Variants in ZBTB44 observed in about 807,000 individuals in gnomAD.
ZBTB44 encodes the protein zinc finger and BTB domain containing 44.
ZBTB44 carries 15 observed loss-of-function variants against 54.0 expected under a neutral mutation model. The ratio of observed to expected loss-of-function variants is 0.28; its 90% CI spans 0.19 to 0.43. The LOEUF (loss-of-function observed/expected upper bound fraction) is 0.43, where lower values mean the gene tolerates loss of function less well. Among genes scored for constraint, ZBTB44 ranks in the 20% least tolerant of loss-of-function variants. The pLI is 1.00. For synonymous variants in ZBTB44, 230 were observed against 250.1 expected, an observed-to-expected ratio of 0.92 and a Z score of 0.76; for missense variants, 487 against 707.1, an observed-to-expected ratio of 0.69 and a Z score of 3.53.
At chr11:130,268,879 C>T (rs1460159239) in intron 1 of ZBTB44, among the ~76,000 whole-genome samples, 1 of 151,214 alleles carries the variant, frequency 6.6e-6, no homozygotes, top group Non-Finnish European at 1.5e-5. Context: ...CACGCTCGGC[C>T]TCAAATTTTA....
At chr11:130,268,720 A>C (rs1446722431) in intron 1 of ZBTB44, among the ~76,000 whole-genome samples, 1 of 151,982 alleles carries the variant, frequency 6.6e-6, no homozygotes, top group East Asian at 2.0e-4. Flanking sequence ...TTGCGAATAC[A>C]GTCGCCAGAC....
chr11:130,249,279 G>A (rs917939636), intron 2 of ZBTB44, among the ~76,000 whole-genome samples: 6 of 152,150 alleles, frequency 3.9e-5, no homozygotes, highest in Admixed American at 1.3e-4. Flanking sequence ...TAGGCAGTTC[G>A]TTACTCAGAA....
rs537039591 is a variant in ZBTB44 at position 130,285,637 on chromosome 11, C to G, written c.-56-23708G>C. 1.1e-4 allele frequency: 28 copies of G among 259,726 alleles called. No homozygotes were observed. The South Asian group carries it at 1.5e-3, about 14-fold the overall frequency. 16.1% of individuals were successfully genotyped at this position (259,726 alleles called of 1,614,324 possible). On this transcript the variant is annotated intron_variant, in intron 1 of 7. Coordinates refer to ENST00000357899, the MANE Select transcript of ZBTB44 (RefSeq NM_001301098.2). ...TAAGCTTCCCATTCTGTTGGAATAT[C>G]CCCTACTTCACAGTCTAATTTTTTA...
intron 1 of ZBTB44, among the ~76,000 whole-genome samples, chr11:130,272,668 T>A (rs1352486121): frequency 6.6e-6 from 1 of 151,800 alleles, no homozygotes; most frequent in Non-Finnish European, 1.5e-5. Flanking sequence ...AAATACAAAG[T>A]CATGAAGATT....
At chr11:130,308,194 G>A (rs1211028544) in intron 1 of ZBTB44, among the ~76,000 whole-genome samples, 1 of 152,132 alleles carries the variant, frequency 6.6e-6, no homozygotes, top group East Asian at 1.9e-4. Context: ...TGTAGAGTAG[G>A]CCATACCATC....
intron 1 of ZBTB44, among the ~76,000 whole-genome samples, chr11:130,274,062 T>G (rs1939875408): frequency 6.6e-6 from 1 of 152,002 alleles, no homozygotes; most frequent in South Asian, 2.1e-4. Flanking sequence ...CACTCCAATC[T>G]GAGTGACAGA....
chr11:130,305,189 C>T (rs1415212945), intron 1 of ZBTB44, among the ~76,000 whole-genome samples: 1 of 152,178 alleles, frequency 6.6e-6, no homozygotes, highest in African/African-American at 2.4e-5. Flanking sequence ...CTGCCAAATG[C>T]AATCTACAGA....
chr11:130,295,675 A>T (rs1397586707), intron 1 of ZBTB44: 26 of 1,340,138 alleles, frequency 1.9e-5, no homozygotes, highest in Non-Finnish European at 2.8e-5. Flanking sequence ...ATTCAGCATG[A>T]AAGTATCAGA....
Position 130,260,981 on chromosome 11 carries a change from T to TC in ZBTB44, c.892dup (p.Glu298GlyfsTer4). On this transcript the variant is annotated frameshift_variant, in exon 2 of 8. Transcript: ENST00000357899. LOFTEE classifies it high-confidence loss of function. ...AGGCTGGGACACTTCCTCATGGACC[T>TC]CCTCATCACTTAATCTTTCTACTTT... 2 of 1,614,004 alleles carry TC rather than the reference T, an allele frequency of 1.2e-6. No homozygotes were observed. Among genetic ancestry groups the TC allele is most frequent in the Non-Finnish European group, 1.7e-6 (2 of 1,179,896 alleles).
chr11:130,277,639 A>G (rs1940202095), intron 1 of ZBTB44, among the ~76,000 whole-genome samples: 2 of 152,104 alleles, frequency 1.3e-5, no homozygotes. Flanking sequence ...TAATAAACTT[A>G]TAACAAGAAA....
At chr11:130,292,819 A>C (rs1941383735) in intron 1 of ZBTB44, among the ~76,000 whole-genome samples, 1 of 152,190 alleles carries the variant, frequency 6.6e-6, no homozygotes, top group African/African-American at 2.4e-5. Context: ...ACGTGTACTC[A>C]AACTAGTGAA....
chr11:130,278,305 A>G (rs1245790760), intron 1 of ZBTB44, among the ~76,000 whole-genome samples: 1 of 152,236 alleles, frequency 6.6e-6, no homozygotes. Flanking sequence ...TAAAGTGTTC[A>G]GTACCTCATA....
At position 130,238,729 on chromosome 11, in the gene ZBTB44, C is replaced by T. The variant is rs557731419; in HGVS notation, c.1104-122G>A. ...TTAAAGACTTTTTGAAACAGTTTAA[C>T]TGTTAGACTTCAAGTTTTACTTTAA... On this transcript the variant is annotated intron_variant, in intron 3 of 7. Coordinates refer to ENST00000357899, the MANE Select transcript of ZBTB44 (RefSeq NM_001301098.2). 4 of 1,021,960 alleles carry T rather than the reference C, an allele frequency of 3.9e-6. No individual in the cohort carries two copies. In the African/African-American group the frequency reaches 5.0e-5, roughly 13 times the overall value. The allele number at this position is 1,021,960 out of a possible 1,614,324, so 63.3% of individuals were successfully genotyped here.
At position 130,226,872 on chromosome 11, in the gene ZBTB44, T is replaced by A. The variant is rs1953711379; in HGVS notation, c.*4892A>T. 1 of 152,186 alleles carries A rather than the reference T, an allele frequency of 6.6e-6. No individual in the cohort carries two copies. Among genetic ancestry groups the A allele is most frequent in the South Asian group, 2.1e-4 (1 of 4,832 alleles). 9.4% of individuals were successfully genotyped at this position (152,186 alleles called of 1,614,324 possible). On this transcript the variant is annotated 3_prime_UTR_variant, in exon 8 of 8. Coordinates refer to ENST00000357899, the MANE Select transcript of ZBTB44 (RefSeq NM_001301098.2). The stretch of plus-strand genomic sequence containing the variant: ...TTTTAAAAAAAGTTTAAACCTTTTT[T>A]AAAAAGATTAAACAATCAGGCTAGC...
chr11:130,301,968 G>A (rs746055561), intron 1 of ZBTB44, among the ~76,000 whole-genome samples: 48 of 150,750 alleles, frequency 3.2e-4, no homozygotes, highest in African/African-American at 8.6e-4. Flanking sequence ...TCTTGAACCC[G>A]GTGAGCCCAG....
At chr11:130,301,645 T>C (rs144280228) in intron 1 of ZBTB44, among the ~76,000 whole-genome samples, 66 of 151,774 alleles carry the variant, frequency 4.3e-4, no homozygotes, top group African/African-American at 1.3e-3. Flanking sequence ...GCCTGGGCAA[T>C]TGAGCCAGAT....
At chr11:130,312,965 G>C (rs1044403127) in intron 1 of ZBTB44, among the ~76,000 whole-genome samples, 2 of 152,020 alleles carry the variant, frequency 1.3e-5, no homozygotes, top group Admixed American at 1.3e-4. Flanking sequence ...AAACAATATG[G>C]CAAAAATGCT....
At chr11:130,311,538 T>C (rs890829001) in intron 1 of ZBTB44, among the ~76,000 whole-genome samples, 1 of 152,104 alleles carries the variant, frequency 6.6e-6, no homozygotes. Context: ...AAACCAAGAT[T>C]TTCATTTAAG....
At position 130,237,050 on chromosome 11, in the gene ZBTB44, G is replaced by C; in HGVS notation, c.1311C>G (p.Thr437=). ...FQCDRCGKKF[T]RAYSLKMHRL... The stretch of plus-strand genomic sequence containing the variant: ...GATGCATCTTTAGCGAGTAAGCCCT[G>C]GTGAACTTTTTCCCACAGCGGTCAC... Residue 437 remains threonine, a synonymous_variant, in exon 5 of 8, where the codon ACC becomes ACG. Coordinates refer to ENST00000357899, the MANE Select transcript of ZBTB44 (RefSeq NM_001301098.2). 6.3e-7 allele frequency: 1 copy of C among 1,598,452 alleles called. No individual in the cohort carries two copies. Among genetic ancestry groups the C allele is most frequent in the Non-Finnish European group, 8.5e-7 (1 of 1,172,906 alleles).
Sources: allele counts gnomAD v4.1 joint callset (sites outside exome capture counted in the v4.1 genomes callset), GRCh38; gene constraint gnomAD v4.1.1; transcripts MANE v1.5; gene names NCBI Gene and HGNC (gene_info 2026-07-23, HGNC 2026-07-21).